DIAPH3: variants seen among roughly 807,000 people sequenced by gnomAD.
The protein encoded by DIAPH3 is diaphanous related formin 3.
Under a neutral mutation model 144.3 loss-of-function variants are expected in DIAPH3, and 117 were observed. That is an observed-to-expected ratio of 0.81 (90% CI 0.70 to 0.95). The LOEUF (loss-of-function observed/expected upper bound fraction) is 0.95, where lower values mean the gene tolerates loss of function less well. Among genes scored for constraint, DIAPH3 ranks in the 40% least tolerant of loss-of-function variants. The pLI, the probability that DIAPH3 is intolerant of heterozygous loss-of-function variation, is 0.00. For synonymous variants in DIAPH3, 519 were observed against 488.9 expected (o/e 1.06, Z -0.81); for missense variants, 1,421 against 1,412.7 (o/e 1.01, Z -0.09).
intron 1 of DIAPH3, among the ~76,000 whole-genome samples, chr13:60,159,635 A>AG (rs1952193972): frequency 6.6e-6 from 1 of 151,898 alleles, no homozygotes; most frequent in Admixed American, 6.6e-5. Flanking sequence ...CAAAAAAAAA[A>AG]AAAGAAAGAA....
chr13:59,905,599 A>G (rs1359943545), intron 20 of DIAPH3, among the ~76,000 whole-genome samples: 1 of 152,126 alleles, frequency 6.6e-6, no homozygotes, highest in East Asian at 1.9e-4. Context: ...CTAATACCCA[A>G]AACTTTTGAA....
intron 1 of DIAPH3, among the ~76,000 whole-genome samples, chr13:60,139,346 A>C (rs2059375925): frequency 6.6e-6 from 1 of 152,182 alleles, no homozygotes; most frequent in Admixed American, 6.5e-5. Context: ...GGAACAGGTG[A>C]GAATTAGGAA....
intron 4 of DIAPH3, among the ~76,000 whole-genome samples, chr13:60,076,176 G>A (rs1566742864): frequency 1.3e-5 from 2 of 152,188 alleles, no homozygotes; most frequent in Admixed American, 6.5e-5. Flanking sequence ...ACCTAGCAGA[G>A]TGAACACAGT....
intron 9 of DIAPH3, among the ~76,000 whole-genome samples, chr13:60,007,172 C>T (rs2052930339): frequency 6.6e-6 from 1 of 151,920 alleles, no homozygotes; most frequent in Non-Finnish European, 1.5e-5. Context: ...CTGTTTTAGC[C>T]TCCTGAGTAG....
intron 3 of DIAPH3, among the ~76,000 whole-genome samples, chr13:60,105,099 C>CAAAAAAAAAAAAAAAAAAAAAAAAAAAA (rs60853102): frequency 4.8e-5 from 2 of 41,826 alleles, no homozygotes; most frequent in African/African-American, 1.0e-4. Flanking sequence ...GACACGATCT[C>CAAAAAAAAAAAAAAAAAAAAAAAAAAAA]AAAAAAAAAA....
intron 24 of DIAPH3, among the ~76,000 whole-genome samples, chr13:59,823,823 C>T (rs982942811): frequency 6.6e-6 from 1 of 152,132 alleles, no homozygotes; most frequent in Non-Finnish European, 1.5e-5. Context: ...CTATCAAAAA[C>T]AATTTTACAC....
intron 27 of DIAPH3, among the ~76,000 whole-genome samples, chr13:59,714,914 C>CA (rs1415731271): frequency 1.3e-5 from 2 of 151,680 alleles, no homozygotes; most frequent in African/African-American, 2.4e-5. Context: ...TCTACCTGTC[C>CA]AAAAAAACCA....
At chr13:60,140,445 A>G (rs2059401028) in intron 1 of DIAPH3, among the ~76,000 whole-genome samples, 1 of 152,196 alleles carries the variant, frequency 6.6e-6, no homozygotes, top group Non-Finnish European at 1.5e-5. Context: ...CAAACATAGG[A>G]AAGATTAAAT....
At position 60,030,320 on chromosome 13, in the gene DIAPH3, TACTTAGGA is replaced by T. The variant is rs151281180; in HGVS notation, c.626+12362_626+12369del. On this transcript the variant is annotated intron_variant, in intron 5 of 27. Coordinates refer to ENST00000400324, the MANE Select transcript of DIAPH3 (RefSeq NM_001042517.2). ...TTAGTGGCATGTTATCCATGTCACA[TACTTAGGA>T]ACTTAAGAGCTTTATTCTTTCACAT... Among the ~76,000 whole-genome samples, 1,250 of 152,284 alleles carry T rather than the reference TACTTAGGA, an allele frequency of 8.2e-3. 20 individuals carry two copies. Among genetic ancestry groups the T allele is most frequent in the African/African-American group, 0.028 (1,176 of 41,538 alleles).
chr13:60,085,731 T>C (rs2057724619), intron 4 of DIAPH3, among the ~76,000 whole-genome samples: 1 of 152,172 alleles, frequency 6.6e-6, no homozygotes, highest in Admixed American at 6.6e-5. Context: ...CCTTCAGAAG[T>C]GTTCCTTCTT....
intron 23 of DIAPH3, among the ~76,000 whole-genome samples, chr13:59,836,808 A>T (rs1248795744): frequency 1.3e-5 from 2 of 152,140 alleles, no homozygotes. Flanking sequence ...CTCGATGAAT[A>T]AGCATTTCAA....
intron 5 of DIAPH3, among the ~76,000 whole-genome samples, chr13:60,029,714 TC>T (rs942258111): frequency 6.9e-4 from 105 of 152,290 alleles, no homozygotes; most frequent in African/African-American, 2.4e-3. Flanking sequence ...TAAACCTCTT[TC>T]CTTTATAAAT....
At chr13:59,896,208 G>A (rs915474626) in intron 20 of DIAPH3, among the ~76,000 whole-genome samples, 1 of 152,118 alleles carries the variant, frequency 6.6e-6, no homozygotes, top group African/African-American at 2.4e-5. Flanking sequence ...ATAACCCTGA[G>A]GAGCTATTAT....
At chr13:59,899,625 G>T (rs1464340096) in intron 20 of DIAPH3, among the ~76,000 whole-genome samples, 6 of 152,170 alleles carry the variant, frequency 3.9e-5, no homozygotes, top group Non-Finnish European at 7.3e-5. Context: ...ACTACTACAA[G>T]AATTCTGGAC....
intron 2 of DIAPH3, among the ~76,000 whole-genome samples, chr13:60,119,736 G>C: frequency 9.9e-6 from 1 of 101,518 alleles, no homozygotes; most frequent in Non-Finnish European, 1.8e-5. Flanking sequence ...GACAGAGCGA[G>C]ACTCCGTCTC....
chr13:59,775,854 T>C (rs1393799187), intron 25 of DIAPH3, among the ~76,000 whole-genome samples: 1 of 152,190 alleles, frequency 6.6e-6, no homozygotes, highest in Non-Finnish European at 1.5e-5. Context: ...TACGTGGATA[T>C]AGAGCCAATT....
intron 17 of DIAPH3, among the ~76,000 whole-genome samples, chr13:59,964,338 AAAG>A (rs2049933512): frequency 6.6e-6 from 1 of 152,056 alleles, no homozygotes; most frequent in South Asian, 2.1e-4. Context: ...AAAGGAGAAA[AAAG>A]AAGGAAAAAG....
intron 27 of DIAPH3, among the ~76,000 whole-genome samples, chr13:59,766,015 G>A (rs978794193): frequency 2.6e-5 from 4 of 152,102 alleles, no homozygotes; most frequent in African/African-American, 7.2e-5. Flanking sequence ...ACCACACATT[G>A]TTATGTTCCA....
chr13:60,002,250 T>A (rs1047137514), intron 9 of DIAPH3, among the ~76,000 whole-genome samples: 4 of 152,206 alleles, frequency 2.6e-5, no homozygotes, highest in African/African-American at 9.6e-5. Flanking sequence ...ACAGGACTCA[T>A]TCTGCTGCCC....
Sources: gnomAD v4.1 joint callset for allele counts (sites outside exome capture counted in the v4.1 genomes callset) on GRCh38, gnomAD v4.1.1 for gene constraint, MANE v1.5 for transcripts, NCBI Gene and HGNC (gene_info 2026-07-23, HGNC 2026-07-21) for gene names.